The following IGSF5 variants were observed in gnomAD, a reference collection of about 807,000 sequenced individuals.
The protein encoded by IGSF5 is immunoglobulin superfamily member 5, also known as immunoglobulin superfamily 5 like.
Under a neutral mutation model 39.4 loss-of-function variants are expected in IGSF5, and 41 were observed. That is an observed-to-expected ratio of 1.04 (90% CI 0.81 to 1.35). IGSF5 has a LOEUF of 1.35. IGSF5 is among the 40% of genes most tolerant of loss of function. IGSF5 has a pLI of 0.00. For missense variants in IGSF5, 487 were observed against 494.6 expected (o/e 0.98, Z 0.15); for synonymous variants, 183 against 175.3 (o/e 1.04, Z -0.34).
intron 4 of IGSF5, among the ~76,000 whole-genome samples, chr21:39,774,601 G>A (rs574311801): frequency 2.0e-4 from 30 of 152,264 alleles, no homozygotes; most frequent in Admixed American, 8.5e-4. Context: ...TACAAACCTC[G>A]AGCATTGCAG....
chr21:39,724,676 C>G, the IGSF5 span, among the ~76,000 whole-genome samples: 2 of 152,232 alleles, frequency 1.3e-5, no homozygotes, highest in Admixed American at 6.5e-5. Flanking sequence ...ATTGCCCAGT[C>G]TTGTGTATGT....
chr21:39,769,230 T>C lies in IGSF5; in HGVS notation c.419-1686T>C, dbSNP rs559008030. 4.6e-5 allele frequency among the ~76,000 whole-genome samples: 7 copies of C among 152,196 alleles called. No homozygotes were observed. In the South Asian group the frequency reaches 8.3e-4, roughly 18 times the overall value. ...GTGGCTCATGCCTGTAATCCCAGCA[T>C]TTTGGGAGGCCCAGGCGGGCAGCTC... is the stretch of plus-strand genomic sequence containing the variant. On this transcript the variant is annotated intron_variant, in intron 3 of 8. Transcript: ENST00000380588.
chr21:39,748,646 T>G (rs1284675915), intron 2 of IGSF5, among the ~76,000 whole-genome samples: 1 of 152,166 alleles, frequency 6.6e-6, no homozygotes, highest in African/African-American at 2.4e-5. Context: ...TTTCAAAGGC[T>G]TCATCTCTAA....
chr21:39,792,701 T>C (rs2086972459), intron 7 of IGSF5, among the ~76,000 whole-genome samples: 1 of 152,176 alleles, frequency 6.6e-6, no homozygotes, highest in Admixed American at 6.5e-5. Context: ...GCTGGAAAAC[T>C]AGACCTACTT....
At chr21:39,801,213 A>G (rs1257158578) in intron 8 of IGSF5, 49 bp from the exon 9 acceptor site, 10 of 1,362,258 alleles carry the variant, frequency 7.3e-6, no homozygotes, top group African/African-American at 7.1e-5. Flanking sequence ...TTTGCATTTT[A>G]CAGTGATCTC....
intron 2 of IGSF5, 79 bp from the exon 3 acceptor site, chr21:39,765,456 A>T (rs1195709389): frequency 2.2e-6 from 3 of 1,355,850 alleles, no homozygotes; most frequent in Admixed American, 3.7e-5. Flanking sequence ...ACCACTGGTA[A>T]ATACAGAAAG....
chr21:39,738,405 G>GCTT, the IGSF5 span, among the ~76,000 whole-genome samples: 1 of 152,176 alleles, frequency 6.6e-6, no homozygotes, highest in Non-Finnish European at 1.5e-5. This position sits in a 1 kb window ranked among gnomAD's most constrained non-coding sequence, Gnocchi z 6.4. Context: ...ACAATACGCA[G>GCTT]GAATTAACGG....
the IGSF5 span, among the ~76,000 whole-genome samples, chr21:39,725,149 C>G: frequency 6.6e-6 from 1 of 152,230 alleles, no homozygotes; most frequent in Admixed American, 6.5e-5. Flanking sequence ...GATCAGGATT[C>G]CCTTGCCCCA....
At chr21:39,767,509 T>G (rs191183655) in intron 3 of IGSF5, among the ~76,000 whole-genome samples, 4 of 152,140 alleles carry the variant, frequency 2.6e-5, no homozygotes, top group African/African-American at 9.7e-5. Flanking sequence ...AGTGTCCTCA[T>G]CATAGGGCTG....
Position 39,801,290 on chromosome 21 carries a change from C to T in IGSF5, c.1157C>T (p.Ala386Val). The T allele has an allele frequency of 6.2e-7, 1 of 1,614,126 alleles. No individual in the cohort carries two copies. The highest frequency in any genetic ancestry group is 8.5e-7 in the Non-Finnish European group (1 of 1,179,986). Residue 386 changes from alanine (A) to valine (V), a missense_variant, in exon 9 of 9, where the codon GCA becomes GTA. Ala to Val is a moderately conservative substitution (Grantham distance 64). Coordinates refer to ENST00000380588, the MANE Select transcript of IGSF5 (RefSeq NM_001080444.2). ...GCTGATCAACGTCCACCCAGGCCAGCAAGTCATCCACAGGCTTCTTTTAAT... is the reference window on the plus strand; with the variant it reads ...GCTGATCAACGTCCACCCAGGCCAGTAAGTCATCCACAGGCTTCTTTTAAT... ...QRADQRPPRP[A>V]SHPQASFNLA...
chr21:39,739,772 G>A, the IGSF5 span, among the ~76,000 whole-genome samples: 5 of 152,240 alleles, frequency 3.3e-5, no homozygotes, highest in South Asian at 2.1e-4. Context: ...CCAGGGGTCC[G>A]CGGTAGATCT....
chr21:39,714,603 T>C, the IGSF5 span, among the ~76,000 whole-genome samples: 1 of 152,212 alleles, frequency 6.6e-6, no homozygotes, highest in African/African-American at 2.4e-5. Context: ...TACTCCAGGC[T>C]CTCCCACAGC....
intron 2 of IGSF5, among the ~76,000 whole-genome samples, chr21:39,748,045 A>T (rs1238908384): frequency 6.6e-6 from 1 of 152,082 alleles, no homozygotes; most frequent in African/African-American, 2.4e-5. Context: ...AGATTTTCAG[A>T]TATGGCCATT....
the IGSF5 span, among the ~76,000 whole-genome samples, chr21:39,724,034 C>G: frequency 2.1e-4 from 32 of 150,798 alleles, no homozygotes; most frequent in Admixed American, 2.0e-3. Flanking sequence ...CCACTGCACT[C>G]CAGTCTGGGC....
At chr21:39,770,876 T>G (rs2837199) in intron 3 of IGSF5, 40 bp from the exon 4 acceptor site, 1 of 1,301,670 alleles carries the variant, frequency 7.7e-7, no homozygotes, top group Non-Finnish European at 1.0e-6. Context: ...GCGAGAGGCA[T>G]GGTCATGTCT....
chr21:39,801,474 A>T lies in IGSF5; in HGVS notation c.*117A>T. On this transcript the variant is annotated 3_prime_UTR_variant, in exon 9 of 9. Coordinates refer to ENST00000380588, the MANE Select transcript of IGSF5 (RefSeq NM_001080444.2). ...GCTTTGCCAACATTACCTGAAGAGG[A>T]GATGTCGGAGTCATCAGAACTGATA... 2.9e-6 allele frequency: 2 copies of T among 688,426 alleles called. No homozygotes were observed. Among genetic ancestry groups the T allele is most frequent in the Non-Finnish European group, 2.5e-6 (1 of 396,856 alleles). The allele number at this position is 688,426 out of a possible 1,614,324, so 42.6% of individuals were successfully genotyped here. A position where few individuals can be genotyped will look rare whatever the true frequency, so the allele number is the denominator to read the frequency against.
chr21:39,765,477 AC>A lies in IGSF5; in HGVS notation c.101-57del. 4 of 1,498,550 alleles carry A rather than the reference AC, an allele frequency of 2.7e-6. No individual in the cohort carries two copies. In the South Asian group the frequency reaches 4.7e-5, roughly 18 times the overall value. The allele number at this position is 1,498,550 out of a possible 1,614,324, so 92.8% of individuals were successfully genotyped here. On this transcript the variant is annotated intron_variant, in intron 2 of 8. Transcript: ENST00000380588. ...GGTAAATACAGAAAGGTTACAGCAC[AC>A]AGTTGATTTATGGAGATCCATTCAT... is the stretch of plus-strand genomic sequence containing the variant.
rs938024979 is a variant in IGSF5 at position 39,801,514 on chromosome 21, A to G, written c.*157A>G. ...CAGAACTGATACTTGACAGTGAGAG[A>G]AGGAATCGATTTTCCCAGAGTTCAA... On this transcript the variant is annotated 3_prime_UTR_variant, in exon 9 of 9. Coordinates refer to ENST00000380588, the MANE Select transcript of IGSF5 (RefSeq NM_001080444.2). The G allele has an allele frequency of 2.1e-6, 1 of 485,720 alleles. No individual in the cohort carries two copies. Among genetic ancestry groups the G allele is most frequent in the South Asian group, 4.8e-5 (1 of 20,794 alleles). 30.1% of individuals were successfully genotyped at this position (485,720 alleles called of 1,614,324 possible).
chr21:39,791,995 G>A lies in IGSF5; in HGVS notation c.957-13G>A, dbSNP rs1305340299. On this transcript the variant is annotated splice_polypyrimidine_tract_variant and intron_variant, in intron 6 of 8. Coordinates refer to ENST00000380588, the MANE Select transcript of IGSF5 (RefSeq NM_001080444.2). ...CCAACAATTAACATGAACATAAAAT[G>A]GTCTAATTGTAGGAAATCTGAAAAA... is the stretch of plus-strand genomic sequence containing the variant. The A allele has an allele frequency of 1.9e-6, 3 of 1,556,336 alleles. No individual in the cohort carries two copies. Among genetic ancestry groups the A allele is most frequent in the Non-Finnish European group, 2.6e-6 (3 of 1,133,212 alleles).
Sources: gnomAD v4.1 joint callset for allele counts (sites outside exome capture counted in the v4.1 genomes callset) on GRCh38, gnomAD v4.1.1 for gene constraint, Gnocchi (gnomAD v3.1) non-coding constraint, MANE v1.5 for transcripts, NCBI Gene and HGNC (gene_info 2026-07-23, HGNC 2026-07-21) for gene names.